Variants in MICOS10 observed in about 807,000 individuals in gnomAD.
The protein encoded by MICOS10 is mitochondrial contact site and cristae organizing system subunit 10.
MICOS10 carries 5 observed loss-of-function variants against 13.4 expected under a neutral mutation model. The observed-to-expected ratio is 0.37, with a 90% CI of 0.20 to 0.78. The LOEUF (loss-of-function observed/expected upper bound fraction) is 0.78. Among genes scored for constraint, MICOS10 ranks in the 30% least tolerant of loss-of-function variants. The pLI, the probability that MICOS10 is intolerant of heterozygous loss-of-function variation, is 0.47. For synonymous variants in MICOS10, 35 were observed against 33.6 expected (o/e 1.04, Z -0.15); for missense variants, 101 against 94.6 (o/e 1.07, Z -0.28).
intron 3 of MICOS10, among the ~76,000 whole-genome samples, chr1:19,624,445 G>A (rs955074027): frequency 1.3e-5 from 2 of 151,830 alleles, no homozygotes; most frequent in African/African-American, 4.8e-5. Context: ...AGCCACTCAC[G>A]CCCGGCTAAT....
intron 1 of MICOS10, chr1:19,608,754 C>A (rs2094846076): frequency 2.0e-6 from 1 of 498,680 alleles, no homozygotes; most frequent in East Asian, 3.8e-5. Flanking sequence ...AACTTTTGCT[C>A]TTTGAATGGC....
At position 19,627,413 on chromosome 1, in the gene MICOS10, T is replaced by G. The variant is rs955892588; in HGVS notation, c.*1012T>G. ...GAGGCACTGTTGTAAGCAGCAGAGA[T>G]AAATGGATAAATAGACACAGGCTTC... On this transcript the variant is annotated 3_prime_UTR_variant, in exon 4 of 4. Transcript: ENST00000322753. 1.3e-5 allele frequency: 2 copies of G among 152,126 alleles called. No individual in the cohort carries two copies. The highest frequency in any genetic ancestry group is 4.8e-5 in the African/African-American group (2 of 41,426). 9.4% of individuals were successfully genotyped at this position (152,126 alleles called of 1,614,324 possible).
Position 19,629,760 on chromosome 1 carries a change from T to C in MICOS10, c.*3359T>C, listed in dbSNP as rs2094932683. The C allele has an allele frequency of 6.6e-6, 1 of 152,230 alleles. No homozygotes were observed. Among genetic ancestry groups the C allele is most frequent in the African/African-American group, 2.4e-5 (1 of 41,460 alleles). 9.4% of individuals were successfully genotyped at this position (152,230 alleles called of 1,614,324 possible). On this transcript the variant is annotated 3_prime_UTR_variant, in exon 4 of 4. Coordinates refer to ENST00000322753, the MANE Select transcript of MICOS10 (RefSeq NM_001032363.4). ...TTTACTTGTCGTGGTTCGATCTGATTGTATTGTCGAAGGACTATTTTTGAA... is the reference window on the plus strand; with the variant it reads ...TTTACTTGTCGTGGTTCGATCTGATCGTATTGTCGAAGGACTATTTTTGAA...
chr1:19,597,055 T>G lies in MICOS10; in HGVS notation c.10T>G (p.Ser4Ala). Residue 4 changes from serine to alanine, a missense_variant, in exon 1 of 4, where the codon TCG (serine) becomes GCG (alanine). Physicochemically the swap from Ser to Ala is moderately conservative, Grantham distance 99 (BLOSUM62 1). Coordinates refer to ENST00000322753, the MANE Select transcript of MICOS10 (RefSeq NM_001032363.4). ...GGCGCGGGTGGGGAACATGTCTGAGTCGGAGCTCGGCAGGAAGTGGGACCG... is the reference window on the plus strand; with the variant it reads ...GGCGCGGGTGGGGAACATGTCTGAGGCGGAGCTCGGCAGGAAGTGGGACCG... MSE[S>A]ELGRKWDRCL... 2 of 1,591,114 alleles carry G rather than the reference T, an allele frequency of 1.3e-6. No homozygotes were observed. The highest frequency in any genetic ancestry group is 1.7e-6 in the Non-Finnish European group (2 of 1,171,406).
chr1:19,611,018 C>T (rs1437192314), intron 1 of MICOS10, among the ~76,000 whole-genome samples: 1 of 151,840 alleles, frequency 6.6e-6, no homozygotes. Flanking sequence ...GTGGCACGAT[C>T]TTGGCTCACT....
chr1:19,615,758 AT>A (rs1570494467), intron 1 of MICOS10, among the ~76,000 whole-genome samples: 1 of 134,428 alleles, frequency 7.4e-6, no homozygotes, highest in Non-Finnish European at 1.6e-5. Flanking sequence ...TGAACTTTCC[AT>A]TTTTCAAAGA....
At chr1:19,616,203 G>A (rs973514539) in intron 1 of MICOS10, among the ~76,000 whole-genome samples, 2 of 152,122 alleles carry the variant, frequency 1.3e-5, no homozygotes, top group Non-Finnish European at 2.9e-5. Flanking sequence ...GGTGTGAGCT[G>A]CTGCACCCGG....
chr1:19,625,770 G>A, intron 3 of MICOS10: 1 of 950,060 alleles, frequency 1.1e-6, no homozygotes, highest in Non-Finnish European at 1.4e-6. Flanking sequence ...ACATTTGTGT[G>A]TCCTGCTCCA....
At chr1:19,612,776 G>A (rs897120838) in intron 1 of MICOS10, among the ~76,000 whole-genome samples, 4 of 152,164 alleles carry the variant, frequency 2.6e-5, no homozygotes, top group African/African-American at 4.8e-5. Flanking sequence ...GATTTTAGCA[G>A]GCTCTCAGAA....
intron 3 of MICOS10, 151 bp downstream of exon 3, chr1:19,623,734 T>A: frequency 1.7e-6 from 1 of 596,854 alleles, no homozygotes; most frequent in Non-Finnish European, 3.0e-6. Flanking sequence ...CCTTCAGTGA[T>A]GTCATCACTG....
chr1:19,608,554 G>A, intron 1 of MICOS10: 1 of 922,678 alleles, frequency 1.1e-6, no homozygotes, highest in Non-Finnish European at 1.8e-6. Context: ...GGGTCACCGT[G>A]GTCGCCGTCT....
chr1:19,609,968 C>G (rs983646820), intron 1 of MICOS10, among the ~76,000 whole-genome samples: 1 of 152,036 alleles, frequency 6.6e-6, no homozygotes, highest in South Asian at 2.1e-4. Flanking sequence ...ATGGGGAAAC[C>G]CCGTCTCTAC....
In MICOS10 at chr1:19,617,906, A is replaced by AT. The variant is rs1553309868; in HGVS notation, c.65-4194_65-4193insT. Among the ~76,000 whole-genome samples, 1,032 of 151,568 alleles carry AT rather than the reference A, an allele frequency of 6.8e-3. 9 individuals carry two copies. The highest frequency in any genetic ancestry group is 0.023 in the African/African-American group (929 of 41,264). ...AGTCTGAAAGGATCCTCTATTAAAA[A>AT]ATATATATATATGTATATATATACA... On this transcript the variant is annotated intron_variant, in intron 1 of 3. Coordinates refer to ENST00000322753, the MANE Select transcript of MICOS10 (RefSeq NM_001032363.4).
chr1:19,624,073 C>T (rs1350519130), intron 3 of MICOS10, among the ~76,000 whole-genome samples: 2 of 152,118 alleles, frequency 1.3e-5, no homozygotes, highest in African/African-American at 2.4e-5. Context: ...TCACTGCAAC[C>T]GGGTTCAAGT....
Position 19,597,110 on chromosome 1 carries a change from G to A in MICOS10, c.64+1G>A. The A allele has an allele frequency of 6.2e-7, 1 of 1,600,860 alleles. No homozygotes were observed. Among genetic ancestry groups the A allele is most frequent in the Non-Finnish European group, 8.5e-7 (1 of 1,174,400 alleles). The stretch of plus-strand genomic sequence containing the variant: ...CTGGCGGATGCGGTCGTGAAGATAG[G>A]TAAGGGGCTTTTCGCCCCAGCAGGC... On this transcript the variant is annotated splice_donor_variant, in intron 1 of 3. Transcript: ENST00000322753. LOFTEE classifies it high-confidence loss of function.
chr1:19,607,201 G>A (rs1031408501), intron 1 of MICOS10, among the ~76,000 whole-genome samples: 1 of 152,234 alleles, frequency 6.6e-6, no homozygotes, highest in African/African-American at 2.4e-5. Flanking sequence ...TAAACAATGT[G>A]ACCAAAAATA....
chr1:19,606,720 T>G (rs1049039200), intron 1 of MICOS10, among the ~76,000 whole-genome samples: 3 of 150,522 alleles, frequency 2.0e-5, no homozygotes, highest in Non-Finnish European at 4.4e-5. Context: ...CACTCCAACC[T>G]GGGCGACAGA....
At chr1:19,601,056 G>C in intron 1 of MICOS10, 1 of 1,248,450 alleles carries the variant, frequency 8.0e-7, no homozygotes, top group Non-Finnish European at 1.1e-6. Context: ...CCTGTTTGCT[G>C]TACGATGACT....
chr1:19,623,514 A>C lies in MICOS10; in HGVS notation c.153A>C (p.Leu51Phe). 3.7e-6 allele frequency: 6 copies of C among 1,613,228 alleles called. No homozygotes were observed. Among genetic ancestry groups the C allele is most frequent in the Non-Finnish European group, 5.1e-6 (6 of 1,179,788 alleles). The change falls in exon 3 of 4, where the codon TTA (leucine) becomes TTC (phenylalanine). Residue 51 changes from leucine to phenylalanine, a missense_variant. Leu to Phe is a conservative substitution (Grantham distance 22, BLOSUM62 0). Coordinates refer to ENST00000322753, the MANE Select transcript of MICOS10 (RefSeq NM_001032363.4). ...TAGCCTTCGGTTCTGGCATGGGATT[A>C]GGAATGGCTTATTCCAACTGTCAGC... is the stretch of plus-strand genomic sequence containing the variant. ...WPLAFGSGMGLGMAYSNCQHD... is the reference protein window; with the variant it reads ...WPLAFGSGMGFGMAYSNCQHD...
Sources: gnomAD v4.1 joint callset for allele counts (sites outside exome capture counted in the v4.1 genomes callset) on GRCh38, gnomAD v4.1.1 for gene constraint, MANE v1.5 for transcripts, NCBI Gene and HGNC (gene_info 2026-07-23, HGNC 2026-07-21) for gene names.